Variants in RASA2 observed in about 807,000 individuals in gnomAD.
RASA2 encodes ras GTPase-activating protein 2.
RASA2 carries 155 observed loss-of-function variants against 118.2 expected under a neutral mutation model. That is an observed-to-expected ratio of 1.31 (90% CI 1.15 to 1.50). RASA2 has a LOEUF of 1.50. RASA2 is among the 40% of genes most tolerant of loss of function. The pLI is 0.00. For missense variants in RASA2, 1,016 were observed against 1,009.6 expected, an observed-to-expected ratio of 1.01 and a Z score of -0.09; for synonymous variants, 353 against 349.1, an observed-to-expected ratio of 1.01 and a Z score of -0.12.
chr3:141,597,758 TAGGAAACAA>T (rs2083396162), intron 19 of RASA2, among the ~76,000 whole-genome samples: 1 of 151,688 alleles, frequency 6.6e-6, no homozygotes, highest in African/African-American at 2.4e-5. Flanking sequence ...ATCAGTGAAA[TAGGAAACAA>T]ACTAATAGTG....
chr3:141,579,161 T>C (rs570869579), intron 15 of RASA2, among the ~76,000 whole-genome samples: 2 of 152,250 alleles, frequency 1.3e-5, no homozygotes, highest in Non-Finnish European at 2.9e-5. Context: ...GAGCCAAAAA[T>C]CAAACTAAAG....
Position 141,571,512 on chromosome 3 carries a change from C to T in RASA2, c.1127C>T (p.Pro376Leu). The change falls in exon 11 of 24, where the codon CCT (proline) becomes CTT (leucine). Residue 376 changes from proline (P) to leucine (L), a missense_variant. Around this residue, in one of 2 missense-constraint regions of RASA2, gnomAD observed 896 missense variants for 836.4 expected, o/e 1.07. Transcript: ENST00000286364. ...CTGCTGCACCATGATAAACTTGTTC[C>T]TTTTGCCACTGCTGTGGCTGAATTA... Reference protein sequence around the residue: ...RLLLHHDKLVPFATAVAELDL... With the variant: ...RLLLHHDKLVLFATAVAELDL... 1 of 1,612,728 alleles carries T rather than the reference C, an allele frequency of 6.2e-7. No individual in the cohort carries two copies. The highest frequency in any genetic ancestry group is 8.5e-7 in the Non-Finnish European group (1 of 1,179,268).
At chr3:141,559,186 A>G (rs1398540095) in intron 8 of RASA2, among the ~76,000 whole-genome samples, 2 of 152,154 alleles carry the variant, frequency 1.3e-5, no homozygotes, top group Non-Finnish European at 2.9e-5. Flanking sequence ...AAGATGATCT[A>G]ATTTTCATCT....
intron 3 of RASA2, among the ~76,000 whole-genome samples, chr3:141,520,538 CTG>C (rs2082095597): frequency 6.9e-6 from 1 of 143,898 alleles, no homozygotes; most frequent in Non-Finnish European, 1.6e-5. Flanking sequence ...CTATATATAA[CTG>C]GAGTGTGTGT....
At chr3:141,519,286 A>C (rs2082075696) in intron 3 of RASA2, among the ~76,000 whole-genome samples, 1 of 152,208 alleles carries the variant, frequency 6.6e-6, no homozygotes. Context: ...TATCATTGAA[A>C]AAAATTTGCC....
chr3:141,543,876 C>CTTTTTTT lies in RASA2; in HGVS notation c.527+3278_527+3284dup, dbSNP rs529631210. ...TTTTTTCTTTCTTTCTTTCTTTTTT[C>CTTTTTTT]TTTTTTTTTTTTTTTTTGATATGGA... On this transcript the variant is annotated intron_variant, in intron 5 of 23. Coordinates refer to ENST00000286364, the MANE Select transcript of RASA2 (RefSeq NM_006506.5). Among the ~76,000 whole-genome samples, 887 of 116,976 alleles carry CTTTTTTT rather than the reference C, an allele frequency of 7.6e-3. 1 individual carries two copies. The highest frequency in any genetic ancestry group is 0.013 in the East Asian group (54 of 4,114). The allele number at this position is 116,976 out of a possible 152,430, so 76.7% of individuals were successfully genotyped here.
Position 141,516,378 on chromosome 3 carries a change from A to G in RASA2, c.302A>G (p.Tyr101Cys). Residue 101 changes from tyrosine to cysteine, a missense_variant, in exon 3 of 24, where the codon TAT (tyrosine) becomes TGT (cysteine). Around this residue, in one of 2 missense-constraint regions of RASA2, gnomAD observed 896 missense variants for 836.4 expected, o/e 1.07. Transcript: ENST00000286364. ...TTTGAGATTCCAAGAACTTTCCAGT[A>G]TTTGTCTTTCTATGTTTATGATAAG... is the stretch of plus-strand genomic sequence containing the variant. Reference protein sequence around the residue: ...FYFEIPRTFQYLSFYVYDKNV... With the variant: ...FYFEIPRTFQCLSFYVYDKNV... 1.3e-6 allele frequency: 2 copies of G among 1,568,950 alleles called. No homozygotes were observed. The highest frequency in any genetic ancestry group is 2.3e-5 in the East Asian group (1 of 42,586).
intron 19 of RASA2, among the ~76,000 whole-genome samples, chr3:141,606,422 C>G (rs1486561634): frequency 6.6e-6 from 1 of 152,170 alleles, no homozygotes; most frequent in Non-Finnish European, 1.5e-5. Context: ...CTTTCTATCA[C>G]ATCACCTCAG....
chr3:141,511,770 A>G (rs1028241756), intron 1 of RASA2, among the ~76,000 whole-genome samples: 1 of 152,076 alleles, frequency 6.6e-6, no homozygotes, highest in Non-Finnish European at 1.5e-5. Context: ...TAAGTTGAGA[A>G]ATTCCCATCA....
chr3:141,581,006 C>A lies in RASA2; in HGVS notation c.1675-94C>A, dbSNP rs1021521001. ...CTCTCTGAAAATATATAATTGAGTC[C>A]TTTTAGGCCTTAATCCTCAGCTTAA... On this transcript the variant is annotated intron_variant, in intron 16 of 23. Coordinates refer to ENST00000286364, the MANE Select transcript of RASA2 (RefSeq NM_006506.5). 10 of 1,278,228 alleles carry A rather than the reference C, an allele frequency of 7.8e-6. No individual in the cohort carries two copies. The African/African-American group carries it at 1.4e-4, about 18-fold the overall frequency. The allele number at this position is 1,278,228 out of a possible 1,614,324, so 79.2% of individuals were successfully genotyped here.
chr3:141,492,733 A>G (rs2081653561), intron 1 of RASA2, among the ~76,000 whole-genome samples: 1 of 152,228 alleles, frequency 6.6e-6, no homozygotes, highest in African/African-American at 2.4e-5. Context: ...TATTTAGTAC[A>G]CTTGTTTTGC....
chr3:141,610,059 G>A lies in RASA2; in HGVS notation c.2512G>A (p.Gly838Arg). The change falls in exon 23 of 24, where the codon GGG (glycine) becomes AGG (arginine). Residue 838 changes from glycine to arginine, a missense_variant. Transcript: ENST00000286364. Reference protein sequence around the residue: ...RKKRSSSAKYGSKENPIVGKA... With the variant: ...RKKRSSSAKYRSKENPIVGKA... ...GAAAAGATCCAGTAGTGCAAAATAT[G>A]GGAGCAAGTGAGTAATTTTTAAGCT... The A allele has an allele frequency of 2.5e-6, 4 of 1,571,228 alleles. No individual in the cohort carries two copies. The highest frequency in any genetic ancestry group is 1.4e-5 in the African/African-American group (1 of 72,056).
At chr3:141,533,501 C>A (rs1429910028) in intron 4 of RASA2, among the ~76,000 whole-genome samples, 2 of 152,112 alleles carry the variant, frequency 1.3e-5, no homozygotes, top group Non-Finnish European at 2.9e-5. Context: ...AAATAACATG[C>A]AGAAATGTAA....
rs1187161230 is a variant in RASA2 at position 141,603,282 on chromosome 3, A to T, written c.1934-4396A>T. ...ATTGTGGTGGTAATTGTATTTTTTTAAATTTAGGCCAGGCACAGTGGTTCA... is the reference window on the plus strand; with the variant it reads ...ATTGTGGTGGTAATTGTATTTTTTTTAATTTAGGCCAGGCACAGTGGTTCA... On this transcript the variant is annotated intron_variant, in intron 19 of 23. Coordinates refer to ENST00000286364, the MANE Select transcript of RASA2 (RefSeq NM_006506.5). Among the ~76,000 whole-genome samples the T allele has an allele frequency of 2.0e-5, 3 of 152,050 alleles. No homozygotes were observed. The East Asian group carries it at 5.8e-4, about 29-fold the overall frequency.
chr3:141,586,855 T>A, intron 19 of RASA2, 103 bp downstream of exon 19: 1 of 922,316 alleles, frequency 1.1e-6, no homozygotes, highest in Non-Finnish European at 1.7e-6. Context: ...AATATTACTG[T>A]AGTTTATGGT....
chr3:141,586,201 G>C, intron 18 of RASA2, 103 bp downstream of exon 18: 1 of 1,088,850 alleles, frequency 9.2e-7, no homozygotes, highest in Non-Finnish European at 1.3e-6. Context: ...TTTGTGTGCT[G>C]TGTTAGAACT....
intron 9 of RASA2, among the ~76,000 whole-genome samples, chr3:141,560,861 A>G (rs577865464): frequency 6.6e-6 from 1 of 152,240 alleles, no homozygotes; most frequent in Admixed American, 6.5e-5. Flanking sequence ...TCTTATGGAT[A>G]TCAGTTTCAT....
intron 4 of RASA2, among the ~76,000 whole-genome samples, chr3:141,538,643 A>T (rs895795488): frequency 6.6e-6 from 1 of 152,186 alleles, no homozygotes; most frequent in East Asian, 1.9e-4. Flanking sequence ...TTAACTCATA[A>T]TGCCTTTTAA....
At chr3:141,573,032 C>T (rs1560042327) in intron 12 of RASA2, 115 bp from the exon 13 acceptor site, 8 of 921,252 alleles carry the variant, frequency 8.7e-6, no homozygotes, top group Middle Eastern at 3.5e-4. Context: ...GGACATTTTA[C>T]GCTTTGCTAC....
Sources: allele counts gnomAD v4.1 joint callset (sites outside exome capture counted in the v4.1 genomes callset), GRCh38; gene constraint gnomAD v4.1.1; regional missense constraint gnomAD v4.1.1; transcripts MANE v1.5; gene names NCBI Gene and HGNC (gene_info 2026-07-23, HGNC 2026-07-21).